FCRL6: variants seen among roughly 807,000 people sequenced by gnomAD.
The protein encoded by FCRL6 is Fc receptor like 6.
A neutral mutation model predicts 49.1 loss-of-function variants in FCRL6; 50 were observed. The observed-to-expected ratio is 1.02, with a 90% confidence interval of 0.81 to 1.29. The LOEUF is 1.29. Ranked by LOEUF, FCRL6 falls within the 50% of genes most tolerant of loss-of-function variation. FCRL6 has a pLI of 0.00. For synonymous variants in FCRL6, 213 were observed against 199.6 expected (o/e 1.07, Z -0.57); for missense variants, 571 against 518.5 (o/e 1.10, Z -0.98).
chr1:159,810,015 C>T (rs1202271395), intron 5 of FCRL6, 79 bp from the exon 6 acceptor site: 17 of 1,507,826 alleles, frequency 1.1e-5, no homozygotes, highest in Non-Finnish European at 1.4e-5. Flanking sequence ...AGTCATTCTG[C>T]CTGTTCTGTG....
chr1:159,810,272 C>A, intron 6 of FCRL6, 56 bp downstream of exon 6: 1 of 1,561,598 alleles, frequency 6.4e-7, no homozygotes, highest in Non-Finnish European at 8.7e-7. Context: ...AGGCCCTGCC[C>A]AGACTTTGGA....
chr1:159,814,606 T>C (rs1196374272), intron 8 of FCRL6, among the ~76,000 whole-genome samples: 2 of 152,296 alleles, frequency 1.3e-5, no homozygotes, highest in Middle Eastern at 3.4e-3. Flanking sequence ...GTTACCATGA[T>C]AAGTGCAGGG....
intron 2 of FCRL6, among the ~76,000 whole-genome samples, chr1:159,807,293 G>A (rs753396726): frequency 2.6e-5 from 4 of 152,194 alleles, no homozygotes; most frequent in Non-Finnish European, 5.9e-5. Context: ...GATGTGCTGG[G>A]GCTCCCTAAC....
chr1:159,811,883 G>T (rs1272738429), intron 6 of FCRL6, among the ~76,000 whole-genome samples: 2 of 152,168 alleles, frequency 1.3e-5, no homozygotes, highest in Non-Finnish European at 2.9e-5. Flanking sequence ...GGTAATACAG[G>T]TGTTTCTGTT....
At position 159,815,990 on chromosome 1, in the gene FCRL6, G is replaced by A. The variant is rs1663381714; in HGVS notation, c.*329G>A. Reference sequence around the variant, plus strand: ...ATACATATATATATGAAATAGTCATGTGCCGCATAACAACATTTCAGTCAG... The same window carrying A: ...ATACATATATATATGAAATAGTCATATGCCGCATAACAACATTTCAGTCAG... On this transcript the variant is annotated 3_prime_UTR_variant, in exon 10 of 10. Transcript: ENST00000368106. The A allele has an allele frequency of 3.6e-6, 1 of 278,944 alleles. No individual in the cohort carries two copies. The highest frequency in any genetic ancestry group is 4.6e-5 in the South Asian group (1 of 21,842). 17.3% of individuals were successfully genotyped at this position (278,944 alleles called of 1,614,324 possible). A position where few individuals can be genotyped will look rare whatever the true frequency, so the allele number is the denominator to read the frequency against.
intron 1 of FCRL6, among the ~76,000 whole-genome samples, chr1:159,804,023 G>A (rs1393913514): frequency 1.3e-5 from 2 of 152,174 alleles, no homozygotes; most frequent in African/African-American, 4.8e-5. Context: ...GGCTGAATGT[G>A]AAATATGTAT....
At chr1:159,802,043 G>A (rs1662366296), upstream of FCRL6, among the ~76,000 whole-genome samples, 1 of 152,114 alleles carries the variant, frequency 6.6e-6, no homozygotes, top group Non-Finnish European at 1.5e-5. Context: ...CTCCCAGGCT[G>A]AATGACGCTG....
rs1437262481 is a variant in FCRL6, at chr1:159,809,096, A to T, written c.455A>T (p.Asp152Val). ...ALRLLFSFHK[D>V]GHTLQDRGPH... Reference sequence around the variant, plus strand: ...AGGCTCCTTTTCTCCTTCCACAAGGACGGCCACACCTTGCAGGACAGGGGC... The same window carrying T: ...AGGCTCCTTTTCTCCTTCCACAAGGTCGGCCACACCTTGCAGGACAGGGGC... The change falls in exon 4 of 10, where the codon GAC (aspartate) becomes GTC (valine). Residue 152 changes from aspartate (D) to valine (V), a missense_variant. Asp to Val is a radical substitution (Grantham distance 152). Coordinates refer to ENST00000368106, the MANE Select transcript of FCRL6 (RefSeq NM_001004310.3). 1 of 1,613,920 alleles carries T rather than the reference A, an allele frequency of 6.2e-7. No individual in the cohort carries two copies. The highest frequency in any genetic ancestry group is 1.7e-5 in the Admixed American group (1 of 60,010).
At chr1:159,814,098 C>A in intron 7 of FCRL6, 123 bp from the exon 8 acceptor site, 1 of 865,452 alleles carries the variant, frequency 1.2e-6, no homozygotes, top group Non-Finnish European at 1.9e-6. Context: ...AGTGACCAAC[C>A]CTCATTGCCA....
At chr1:159,800,744 T>C (rs1486006994), upstream of FCRL6, 6 of 758,750 alleles carry the variant, frequency 7.9e-6, no homozygotes, top group South Asian at 1.6e-5. Flanking sequence ...AGTCAGACAA[T>C]CTAGGGCAAG....
chr1:159,803,242 G>GTC (rs1239547218), intron 1 of FCRL6, among the ~76,000 whole-genome samples: 1 of 152,198 alleles, frequency 6.6e-6, no homozygotes, highest in Non-Finnish European at 1.5e-5. Context: ...ACCCAGCTCA[G>GTC]TCTCAGCCAG....
Position 159,809,609 on chromosome 1 carries a change from C to G in FCRL6, c.812C>G (p.Ala271Gly). The change falls in exon 5 of 10, where the codon GCT becomes GGT. Residue 271 changes from alanine (A) to glycine (G), a missense_variant. Physicochemically the swap from Ala to Gly is moderately conservative, Grantham distance 60 (BLOSUM62 0). Transcript: ENST00000368106. ...TTCCCAGTGAAGTCAGAACAGGATG[C>G]TGGGAACTACTCCTGCGAGGCTGAG... ...LLFPVKSEQDAGNYSCEAENS... is the reference protein window; with the variant it reads ...LLFPVKSEQDGGNYSCEAENS... The G allele has an allele frequency of 6.2e-7, 1 of 1,614,188 alleles. No homozygotes were observed. Among genetic ancestry groups the G allele is most frequent in the Non-Finnish European group, 8.5e-7 (1 of 1,180,012 alleles).
At chr1:159,806,915 C>T (rs1662730087) in intron 2 of FCRL6, among the ~76,000 whole-genome samples, 1 of 152,172 alleles carries the variant, frequency 6.6e-6, no homozygotes, top group African/African-American at 2.4e-5. Flanking sequence ...GGTTCTGGAG[C>T]TCTTATATTC....
At position 159,809,109 on chromosome 1, in the gene FCRL6, G is replaced by A. The variant is rs1477147878; in HGVS notation, c.468G>A (p.Leu156=). The A allele has an allele frequency of 2.5e-6, 4 of 1,614,090 alleles. No homozygotes were observed. The highest frequency in any genetic ancestry group is 1.7e-4 in the Middle Eastern group (1 of 6,060). ...LFSFHKDGHT[L]QDRGPHPELC... Reference sequence around the variant, plus strand: ...CCTTCCACAAGGACGGCCACACCTTGCAGGACAGGGGCCCTCACCCAGAAC... The same window carrying A: ...CCTTCCACAAGGACGGCCACACCTTACAGGACAGGGGCCCTCACCCAGAAC... The change falls in exon 4 of 10, where the codon TTG becomes TTA. Residue 156 remains leucine (L), a synonymous_variant. Coordinates refer to ENST00000368106, the MANE Select transcript of FCRL6 (RefSeq NM_001004310.3).
intron 4 of FCRL6, 50 bp downstream of exon 4, chr1:159,809,295 A>G: frequency 2.6e-6 from 4 of 1,525,706 alleles, no homozygotes; most frequent in African/African-American, 1.4e-5. Context: ...GGCGTCAGGC[A>G]GTGGGATCCC....
At chr1:159,800,564 T>C, upstream of FCRL6, 3 of 1,547,774 alleles carry the variant, frequency 1.9e-6, no homozygotes, top group Non-Finnish European at 1.7e-6. Context: ...TCAGGAGATC[T>C]GTTGGAAAGA....
intron 1 of FCRL6, among the ~76,000 whole-genome samples, chr1:159,803,691 G>C (rs78897341): frequency 0.06 from 9,161 of 152,232 alleles, 715 homozygotes; most frequent in East Asian, 0.22. Context: ...GAGTGTTCCA[G>C]CTTGGAACCC....
rs1216254893 is a variant in FCRL6, at chr1:159,808,975, C to T, written c.334C>T (p.Pro112Ser). 6.2e-7 allele frequency: 1 copy of T among 1,610,364 alleles called. No individual in the cohort carries two copies. The change falls in exon 4 of 10, where the codon CCT (proline) becomes TCT (serine). Residue 112 changes from proline (P) to serine (S), a missense_variant. By Grantham distance (74) the Pro-to-Ser change is moderately conservative (BLOSUM62 -1). Transcript: ENST00000368106. ...MVQVQELFPP[P>S]VLSAIPSPEP... Reference sequence around the variant, plus strand: ...CATCTCCCCAGAGCTGTTTCCACCTCCTGTGCTGAGTGCCATCCCCTCTCC... The same window carrying T: ...CATCTCCCCAGAGCTGTTTCCACCTTCTGTGCTGAGTGCCATCCCCTCTCC...
In FCRL6 at chr1:159,809,461, G is replaced by T. The variant is rs371842130; in HGVS notation, c.664G>T (p.Asp222Tyr). Reference protein sequence around the residue: ...HHGPADPAVGDMVQLLCEAQR... With the variant: ...HHGPADPAVGYMVQLLCEAQR... ...CGGGCCTGCTGACCCTGCTGTGGGG[G>T]ACATGGTGCAGCTCCTCTGTGAGGC... Residue 222 changes from aspartate to tyrosine, a missense_variant, in exon 5 of 10, where the codon GAC becomes TAC. Physicochemically the swap from Asp to Tyr is radical, Grantham distance 160. Transcript: ENST00000368106. The T allele has an allele frequency of 6.2e-7, 1 of 1,613,826 alleles. No homozygotes were observed. The highest frequency in any genetic ancestry group is 1.3e-5 in the African/African-American group (1 of 74,902).
Sources: gnomAD v4.1 joint callset for allele counts (sites outside exome capture counted in the v4.1 genomes callset) on GRCh38, gnomAD v4.1.1 for gene constraint, MANE v1.5 for transcripts, NCBI Gene and HGNC (gene_info 2026-07-23, HGNC 2026-07-21) for gene names.